PLA2G4C: variants seen among roughly 807,000 people sequenced by gnomAD.
PLA2G4C encodes the protein cytosolic phospholipase A2 gamma.
A neutral mutation model predicts 73.8 loss-of-function variants in PLA2G4C; 64 were observed. That is an observed-to-expected ratio of 0.87 (90% CI 0.71 to 1.07). The LOEUF (loss-of-function observed/expected upper bound fraction) is 1.07, where lower values mean the gene tolerates loss of function less well. Among genes scored for constraint, PLA2G4C ranks in the 50% least tolerant of loss-of-function variants. The probability of loss-of-function intolerance (pLI) is 0.00; values close to 1 mark genes in which losing one functional copy is unlikely to be tolerated. For missense variants in PLA2G4C, 622 were observed against 665.4 expected, an observed-to-expected ratio of 0.93 and a Z score of 0.72; for synonymous variants, 254 against 252.1, an observed-to-expected ratio of 1.01 and a Z score of -0.07.
intron 9 of PLA2G4C, among the ~76,000 whole-genome samples, chr19:48,085,754 C>G (rs2030935694): frequency 6.6e-6 from 1 of 152,124 alleles, no homozygotes; most frequent in Non-Finnish European, 1.5e-5. Context: ...CTGCGAGTCC[C>G]CAGGGTGTGA....
At chr19:48,104,377 G>T (rs1472279101) in intron 4 of PLA2G4C, 3 of 491,452 alleles carry the variant, frequency 6.1e-6, no homozygotes, top group Non-Finnish European at 7.2e-6. Context: ...AGTGGGAGCA[G>T]TTTTTTGGGA....
intron 2 of PLA2G4C, among the ~76,000 whole-genome samples, chr19:48,106,168 G>T (rs2032228232): frequency 6.6e-6 from 1 of 150,398 alleles, no homozygotes; most frequent in Non-Finnish European, 1.5e-5. Context: ...CTGCAGCCTT[G>T]AACACCGGGA....
chr19:48,086,579 G>A (rs144687093), intron 9 of PLA2G4C, among the ~76,000 whole-genome samples: 4,180 of 152,242 alleles, frequency 0.027, 149 homozygotes, highest in African/African-American at 0.084. Context: ...TGGGAACTCT[G>A]TGGCTCTGCC....
At position 48,074,879 on chromosome 19, in the gene PLA2G4C, G is replaced by T. The variant is rs767496175; in HGVS notation, c.899-5C>A. 3 of 1,584,380 alleles carry T rather than the reference G, an allele frequency of 1.9e-6. No homozygotes were observed. On this transcript the variant is annotated splice_polypyrimidine_tract_variant and splice_region_variant and intron_variant, in intron 11 of 16. Transcript: ENST00000599921. The stretch of plus-strand genomic sequence containing the variant: ...GTTCAGGCTCACCGCCTTCATCTAC[G>T]TCAAGAAATCCAGGTGGTCTCAGAC...
intron 12 of PLA2G4C, among the ~76,000 whole-genome samples, chr19:48,070,150 G>T (rs2386976): frequency 2.0e-5 from 3 of 152,030 alleles, no homozygotes; most frequent in Non-Finnish European, 4.4e-5. Flanking sequence ...AGATTTATGA[G>T]GAATAAGTAA....
chr19:48,086,852 G>T (rs995098283), intron 9 of PLA2G4C, among the ~76,000 whole-genome samples: 4 of 152,154 alleles, frequency 2.6e-5, no homozygotes, highest in African/African-American at 9.7e-5. Context: ...ACTATAACTA[G>T]CATTCAAGGA....
intron 12 of PLA2G4C, among the ~76,000 whole-genome samples, chr19:48,069,585 C>T (rs1416205810): frequency 6.6e-6 from 1 of 152,106 alleles, no homozygotes; most frequent in Non-Finnish European, 1.5e-5. Flanking sequence ...ATCCAGGATG[C>T]AACACTGCCT....
In PLA2G4C at chr19:48,095,610, G is replaced by A; in HGVS notation, c.569-6C>T. On this transcript the variant is annotated splice_polypyrimidine_tract_variant and splice_region_variant and intron_variant, in intron 6 of 16. Coordinates refer to ENST00000599921, the MANE Select transcript of PLA2G4C (RefSeq NM_003706.3). ...GGTGAACTCGAACCAGGTCTCTGCA[G>A]AGGAAATACAACGGCAAGTGAGTCC... 6.2e-7 allele frequency: 1 copy of A among 1,613,982 alleles called. No homozygotes were observed. The highest frequency in any genetic ancestry group is 8.5e-7 in the Non-Finnish European group (1 of 1,179,922).
intron 13 of PLA2G4C, among the ~76,000 whole-genome samples, chr19:48,066,146 A>G (rs772707518): frequency 6.6e-6 from 1 of 151,874 alleles, no homozygotes; most frequent in Non-Finnish European, 1.5e-5. Context: ...CCTGAATTCC[A>G]AAAGGGAGGA....
At chr19:48,105,099 A>AAG (rs1403980468) in intron 3 of PLA2G4C, among the ~76,000 whole-genome samples, 2 of 146,094 alleles carry the variant, frequency 1.4e-5, no homozygotes, top group Non-Finnish European at 3.0e-5. Context: ...AAAAAAAAAA[A>AAG]AAAAAGAAAG....
In PLA2G4C at chr19:48,099,795, C is replaced by T. The variant is rs757288712; in HGVS notation, c.323G>A (p.Arg108Gln). ...CAAGTCCCACTCCTGTCGGGTAAAT[C>T]GATGTTTCAGGTCAGCCTCGAGAGC... Reference protein sequence around the residue: ...MEALEADLKHRFTRQEWDLAK... With the variant: ...MEALEADLKHQFTRQEWDLAK... The change falls in exon 5 of 17, where the codon CGA (arginine) becomes CAA (glutamine). Residue 108 changes from arginine (R) to glutamine (Q), a missense_variant. Coordinates refer to ENST00000599921, the MANE Select transcript of PLA2G4C (RefSeq NM_003706.3). 2.4e-5 allele frequency: 39 copies of T among 1,613,710 alleles called. No homozygotes were observed. Among genetic ancestry groups the T allele is most frequent in the South Asian group, 2.0e-4 (18 of 91,062 alleles).
At chr19:48,098,359 T>A in intron 5 of PLA2G4C, 100 bp from the exon 6 acceptor site, 1 of 1,125,322 alleles carries the variant, frequency 8.9e-7, no homozygotes, top group Non-Finnish European at 1.2e-6. Context: ...GGGGTCTCAG[T>A]CTGTCACCCA....
At chr19:48,101,126 A>ATATATTTTTTT (rs1491313107) in intron 4 of PLA2G4C, among the ~76,000 whole-genome samples, 12 of 74,130 alleles carry the variant, frequency 1.6e-4, no homozygotes, top group African/African-American at 7.7e-4. Context: ...ATATATATAT[A>ATATATTTTTTT]TTTTTTTTTT....
chr19:48,053,171 A>C (rs753604880), intron 15 of PLA2G4C, 24 bp from the exon 16 acceptor site: 1 of 1,533,048 alleles, frequency 6.5e-7, no homozygotes, highest in Non-Finnish European at 8.9e-7. Context: ...AAACCAACAA[A>C]GAAAAGGCAT....
At chr19:48,105,493 G>T (rs530711181) in intron 2 of PLA2G4C, 49 bp from the exon 3 acceptor site, 2 of 1,426,136 alleles carry the variant, frequency 1.4e-6, no homozygotes, top group South Asian at 2.3e-5. Context: ...CAGGGAAAAG[G>T]GATAAAACAC....
In PLA2G4C at chr19:48,105,928, TCCCTCCCTCCC is replaced by T. The variant is rs1568457500; in HGVS notation, c.9-495_9-485del. Among the ~76,000 whole-genome samples the T allele has an allele frequency of 2.7e-4, 7 of 26,272 alleles. 1 individual carries two copies. Among genetic ancestry groups the T allele is most frequent in the Admixed American group, 1.5e-3 (4 of 2,730 alleles). 17.2% of individuals were successfully genotyped at this position (26,272 alleles called of 152,430 possible). ...CTCCCTCCCTCCCTCCCTCCCTCCCTCCCTCCCTCCCTCCCTCCCTTCTTTCTTTCTTTCTT... is the reference window on the plus strand; with the variant it reads ...CTCCCTCCCTCCCTCCCTCCCTCCCTTCCCTCCCTTCTTTCTTTCTTTCTT... On this transcript the variant is annotated intron_variant, in intron 2 of 16. Transcript: ENST00000599921.
At chr19:48,055,434 G>A (rs1007139616) in intron 14 of PLA2G4C, among the ~76,000 whole-genome samples, 26 of 140,344 alleles carry the variant, frequency 1.9e-4, no homozygotes, top group African/African-American at 4.8e-4. Flanking sequence ...GCATGGGGGC[G>A]TGCACCTGTA....
chr19:48,090,228 G>T, intron 8 of PLA2G4C, 136 bp downstream of exon 8: 1 of 714,032 alleles, frequency 1.4e-6, no homozygotes. Context: ...AATTATATGA[G>T]AATAAATGTC....
chr19:48,073,068 C>G (rs2029902605), intron 12 of PLA2G4C: 1 of 152,230 alleles, frequency 6.6e-6, no homozygotes. Context: ...TTTTTCGAGA[C>G]AGGGTCTTGC....
Sources: allele counts gnomAD v4.1 joint callset (sites outside exome capture counted in the v4.1 genomes callset), GRCh38; gene constraint gnomAD v4.1.1; transcripts MANE v1.5; gene names NCBI Gene and HGNC (gene_info 2026-07-23, HGNC 2026-07-21).